The following SND1 variants were observed in gnomAD, a reference collection of about 807,000 sequenced individuals.
SND1 encodes staphylococcal nuclease and tudor domain containing 1.
SND1 carries 38 observed loss-of-function variants against 121.7 expected under a neutral mutation model. That is an observed-to-expected ratio of 0.31 (90% CI 0.24 to 0.41). The LOEUF is 0.41. SND1 is among the 10% of genes least tolerant of loss of function. SND1 has a pLI of 1.00. For missense variants in SND1, 868 were observed against 1,184.6 expected (o/e 0.73, Z 3.92); for synonymous variants, 401 against 447.4 (o/e 0.90, Z 1.31).
In SND1 at chr7:127,924,222, T is replaced by C. The variant is rs1245752796; in HGVS notation, c.1528-4966T>C. ...GGATTGATGGGCTTCTTTCTAGCTG[T>C]TTCTCAAGTGCTGGTAGAGTATACT... On this transcript the variant is annotated intron_variant, in intron 14 of 23. Transcript: ENST00000354725. 2.0e-5 allele frequency among the ~76,000 whole-genome samples: 3 copies of C among 152,140 alleles called. No individual in the cohort carries two copies. The East Asian group carries it at 5.8e-4, about 29-fold the overall frequency.
rs549483912 is a variant in SND1 at position 127,788,198 on chromosome 7, G to T, written c.1153-19286G>T. Reference sequence around the variant, plus strand: ...CTCTCTCTTTTTTTAAACAGAGAAGGAAATGAAAGTCCAGAGAGATTAAGT... The same window carrying T: ...CTCTCTCTTTTTTTAAACAGAGAAGTAAATGAAAGTCCAGAGAGATTAAGT... On this transcript the variant is annotated intron_variant, in intron 10 of 23. Transcript: ENST00000354725. Among the ~76,000 whole-genome samples, 6 of 152,234 alleles carry T rather than the reference G, an allele frequency of 3.9e-5. No homozygotes were observed. The East Asian group carries it at 1.2e-3, about 29-fold the overall frequency.
At chr7:127,898,327 C>G (rs1431490682) in intron 13 of SND1, among the ~76,000 whole-genome samples, 1 of 152,152 alleles carries the variant, frequency 6.6e-6, no homozygotes, top group Non-Finnish European at 1.5e-5. Context: ...CATTTCCAGT[C>G]TATGCACTCT....
intron 14 of SND1, among the ~76,000 whole-genome samples, chr7:127,908,088 A>G (rs573513086): frequency 2.2e-4 from 34 of 152,256 alleles, no homozygotes; most frequent in African/African-American, 7.7e-4. Context: ...GTTGTCCATA[A>G]GATGGACAGA....
At position 128,031,241 on chromosome 7, in the gene SND1, C is replaced by T. The variant is rs537199340; in HGVS notation, c.1779+40185C>T. ...GCGCTTCCCGGCTTTGTCCTTGGAC[C>T]CTGGCACCGGCTCGCTCCAGCCGCG... On this transcript the variant is annotated intron_variant, in intron 16 of 23. Coordinates refer to ENST00000354725, the MANE Select transcript of SND1 (RefSeq NM_014390.4). Among the ~76,000 whole-genome samples the T allele has an allele frequency of 5.1e-3, 774 of 152,084 alleles. 5 individuals carry two copies. The highest frequency in any genetic ancestry group is 0.018 in the African/African-American group (746 of 41,520).
intron 1 of SND1, among the ~76,000 whole-genome samples, chr7:127,679,638 A>G (rs930298940): frequency 6.6e-6 from 1 of 152,174 alleles, no homozygotes; most frequent in African/African-American, 2.4e-5. Context: ...TGTTCTGTCT[A>G]TGGATTTCCC....
In SND1 at chr7:127,755,194, A is replaced by T. The variant is rs143259571; in HGVS notation, c.1152+33794A>T. The stretch of plus-strand genomic sequence containing the variant: ...CTGAGTAGATTCATGCTAACTCTTC[A>T]CCGTATCATTACTTATCTGTTGATT... On this transcript the variant is annotated intron_variant, in intron 10 of 23. Transcript: ENST00000354725. Among the ~76,000 whole-genome samples the T allele has an allele frequency of 2.2e-3, 340 of 152,266 alleles. 1 individual carries two copies. The highest frequency in any genetic ancestry group is 7.9e-3 in the African/African-American group (330 of 41,550).
intron 10 of SND1, among the ~76,000 whole-genome samples, chr7:127,780,481 C>T (rs1437511593): frequency 6.6e-6 from 1 of 152,106 alleles, no homozygotes; most frequent in Non-Finnish European, 1.5e-5. Flanking sequence ...TGTATGAGGC[C>T]CAGTGAGGCT....
Position 127,834,067 on chromosome 7 carries a change from TC to T in SND1, c.1243-10256del, listed in dbSNP as rs1376083274. Reference sequence around the variant, plus strand: ...GCTGAATAACATTCTATTGTATGTATCTACCATATTTTGTTTATCTACTTAT... The same window carrying T: ...GCTGAATAACATTCTATTGTATGTATTACCATATTTTGTTTATCTACTTAT... On this transcript the variant is annotated intron_variant, in intron 11 of 23. Coordinates refer to ENST00000354725, the MANE Select transcript of SND1 (RefSeq NM_014390.4). 3.3e-5 allele frequency among the ~76,000 whole-genome samples: 5 copies of T among 152,206 alleles called. No homozygotes were observed. In the East Asian group the frequency reaches 9.6e-4, roughly 29 times the overall value.
At chr7:127,994,448 G>C (rs1249448243) in intron 16 of SND1, among the ~76,000 whole-genome samples, 1 of 147,264 alleles carries the variant, frequency 6.8e-6, no homozygotes, top group Non-Finnish European at 1.5e-5. Flanking sequence ...GCCAACCCCA[G>C]GGCAGGAAGA....
intron 15 of SND1, among the ~76,000 whole-genome samples, chr7:127,962,018 T>A (rs916300184): frequency 2.6e-5 from 4 of 152,152 alleles, no homozygotes; most frequent in Non-Finnish European, 5.9e-5. Flanking sequence ...TGCACAACTC[T>A]TAGAAATGAG....
At chr7:127,897,321 T>C (rs562421885) in intron 13 of SND1, among the ~76,000 whole-genome samples, 1 of 152,316 alleles carries the variant, frequency 6.6e-6, no homozygotes, top group South Asian at 2.1e-4. Flanking sequence ...CTGAACATTG[T>C]CACAGAATTG....
At chr7:128,068,937 G>C (rs751235990) in intron 16 of SND1, among the ~76,000 whole-genome samples, 3 of 152,246 alleles carry the variant, frequency 2.0e-5, no homozygotes, top group Non-Finnish European at 2.9e-5. Context: ...CCCACTGTGA[G>C]GCAGCAGGGC....
intron 16 of SND1, among the ~76,000 whole-genome samples, chr7:128,061,840 C>T (rs1006377974): frequency 6.6e-6 from 1 of 152,254 alleles, no homozygotes; most frequent in Non-Finnish European, 1.5e-5. Context: ...CCAGAGCAAT[C>T]CTGGGCCCCC....
At chr7:127,882,992 A>G (rs924043312) in intron 12 of SND1, among the ~76,000 whole-genome samples, 15 of 152,182 alleles carry the variant, frequency 9.9e-5, no homozygotes, top group Non-Finnish European at 1.5e-4. Flanking sequence ...AAAGAGAATT[A>G]GTGCTAGGAC....
At chr7:128,017,562 C>T (rs902816950) in intron 16 of SND1, among the ~76,000 whole-genome samples, 33 of 152,214 alleles carry the variant, frequency 2.2e-4, no homozygotes, top group Non-Finnish European at 1.5e-4. Flanking sequence ...GTCTCAGTTC[C>T]GAATGAAAAG....
intron 12 of SND1, among the ~76,000 whole-genome samples, chr7:127,860,269 T>C (rs774159159): frequency 6.6e-6 from 1 of 152,188 alleles, no homozygotes; most frequent in African/African-American, 2.4e-5. Context: ...TGGGAATGTT[T>C]ATGGGTGAGA....
intron 10 of SND1, among the ~76,000 whole-genome samples, chr7:127,734,092 A>G (rs907626465): frequency 6.6e-6 from 1 of 151,872 alleles, no homozygotes; most frequent in Non-Finnish European, 1.5e-5. Flanking sequence ...TATCTCCAGG[A>G]TTTTCGTCTC....
At chr7:127,734,346 T>C (rs1381104625) in intron 10 of SND1, among the ~76,000 whole-genome samples, 1 of 152,132 alleles carries the variant, frequency 6.6e-6, no homozygotes, top group Non-Finnish European at 1.5e-5. Flanking sequence ...GTTTATAACA[T>C]ACTATTTGAG....
intron 17 of SND1, among the ~76,000 whole-genome samples, chr7:128,079,933 C>T (rs1793569004): frequency 2.0e-5 from 3 of 152,168 alleles, no homozygotes; most frequent in Non-Finnish European, 4.4e-5. Context: ...GCCAAAGTGC[C>T]CCTGGAAGAG....
Sources: gnomAD v4.1 joint callset for allele counts (sites outside exome capture counted in the v4.1 genomes callset) on GRCh38, gnomAD v4.1.1 for gene constraint, MANE v1.5 for transcripts, NCBI Gene and HGNC (gene_info 2026-07-23, HGNC 2026-07-21) for gene names.